The following NMNAT1 variants were observed in gnomAD, a reference collection of about 807,000 sequenced individuals.
NMNAT1 encodes the protein nicotinamide/nicotinic acid mononucleotide adenylyltransferase 1.
In NMNAT1, 11 loss-of-function variants were observed where a neutral mutation model predicts 16.7. That is an observed-to-expected ratio of 0.66 (90% confidence interval 0.41 to 1.09). The LOEUF is 1.09. Ranked by LOEUF, NMNAT1 falls within the 50% of genes least tolerant of loss-of-function variation. NMNAT1 has a pLI of 0.00. For synonymous variants in NMNAT1, 110 were observed against 119.8 expected, an observed-to-expected ratio of 0.92 and a Z score of 0.53; for missense variants, 280 against 332.3, an observed-to-expected ratio of 0.84 and a Z score of 1.22.
intron 3 of NMNAT1, among the ~76,000 whole-genome samples, chr1:9,979,699 G>A (rs532111976): frequency 7.9e-5 from 12 of 151,666 alleles, no homozygotes; most frequent in African/African-American, 2.7e-4. Context: ...CTACTCGGGA[G>A]GCTGAAGCAG....
At chr1:9,962,677 GTT>G (rs34747915) in intron 1 of NMNAT1, among the ~76,000 whole-genome samples, 88 of 74,230 alleles carry the variant, frequency 1.2e-3, no homozygotes, top group African/African-American at 4.7e-3. Flanking sequence ...CCAAATAAGG[GTT>G]TTTTTTTTTT....
intron 1 of NMNAT1, among the ~76,000 whole-genome samples, chr1:9,969,948 A>G (rs1641650732): frequency 6.6e-6 from 1 of 152,230 alleles, no homozygotes; most frequent in African/African-American, 2.4e-5. Flanking sequence ...AAATTTCAGA[A>G]CACTGCGGAC....
At chr1:9,970,549 TGTG>T (rs990061059) in intron 1 of NMNAT1, among the ~76,000 whole-genome samples, 1 of 151,854 alleles carries the variant, frequency 6.6e-6, no homozygotes, top group African/African-American at 2.4e-5. Flanking sequence ...ATTAGGCAGG[TGTG>T]GTGGCAGGCA....
chr1:9,968,080 G>GTTTGTTTTTT (rs371743293), intron 1 of NMNAT1, among the ~76,000 whole-genome samples: 1 of 117,774 alleles, frequency 8.5e-6, no homozygotes, highest in African/African-American at 2.9e-5. Flanking sequence ...TTTTTTTTTT[G>GTTTGTTTTTT]TTTTTTTTTG....
chr1:9,950,657 T>C (rs1057170755), intron 1 of NMNAT1: 3 of 152,248 alleles, frequency 2.0e-5, no homozygotes, highest in Admixed American at 2.0e-4. Flanking sequence ...CACTACAGGA[T>C]AAAGAATAGG....
chr1:9,974,390 AT>A (rs70998335), intron 2 of NMNAT1, among the ~76,000 whole-genome samples: 30 of 139,368 alleles, frequency 2.2e-4, no homozygotes, highest in Non-Finnish European at 1.8e-4. Context: ...CATCTGGCTA[AT>A]TTTTTTTTTT....
intron 1 of NMNAT1, among the ~76,000 whole-genome samples, chr1:9,954,166 T>C (rs1641192772): frequency 6.6e-6 from 1 of 152,066 alleles, no homozygotes; most frequent in African/African-American, 2.4e-5. Flanking sequence ...TTAGCTAAAA[T>C]ATTTCTTAAA....
chr1:9,949,558 C>T (rs1641059550), intron 1 of NMNAT1: 1 of 150,760 alleles, frequency 6.6e-6, no homozygotes, highest in Non-Finnish European at 1.5e-5. Context: ...TATAGGTACA[C>T]ACCAAGAGGC....
At chr1:9,981,253 T>C (rs770665000) in intron 4 of NMNAT1, 83 bp downstream of exon 4, 2 of 1,462,436 alleles carry the variant, frequency 1.4e-6, no homozygotes, top group East Asian at 2.5e-5. Flanking sequence ...TTTTTTTTTT[T>C]AGATGGAGTC....
intron 1 of NMNAT1, among the ~76,000 whole-genome samples, chr1:9,966,235 G>C (rs760376458): frequency 6.6e-6 from 1 of 151,904 alleles, no homozygotes; most frequent in Non-Finnish European, 1.5e-5. Flanking sequence ...GGAGGCAGAG[G>C]CTGCAGTGAG....
intron 1 of NMNAT1, among the ~76,000 whole-genome samples, chr1:9,966,261 T>C (rs879344005): frequency 1.3e-5 from 2 of 151,942 alleles, no homozygotes; most frequent in Non-Finnish European, 2.9e-5. Context: ...ATCGTGCCAC[T>C]GCACTCCACC....
At chr1:9,973,937 A>C (rs1047174889) in intron 2 of NMNAT1, among the ~76,000 whole-genome samples, 12 of 151,470 alleles carry the variant, frequency 7.9e-5, no homozygotes, top group Admixed American at 4.6e-4. Flanking sequence ...TCCTGGATTC[A>C]AGCGATTCTT....
downstream of NMNAT1, among the ~76,000 whole-genome samples, chr1:9,990,351 C>T (rs1197866185): frequency 2.0e-5 from 3 of 152,168 alleles, no homozygotes; most frequent in African/African-American, 7.2e-5. Flanking sequence ...GGAGGGTCAC[C>T]AGTAGCCAGG....
intron 2 of NMNAT1, among the ~76,000 whole-genome samples, chr1:9,973,889 G>A (rs553232700): frequency 1.3e-5 from 2 of 151,674 alleles, no homozygotes; most frequent in South Asian, 4.2e-4. Context: ...CCAGGCTGGA[G>A]TGCAGTGGCA....
chr1:9,991,267 C>A, the NMNAT1 span, among the ~76,000 whole-genome samples: 1 of 150,610 alleles, frequency 6.6e-6, no homozygotes, highest in Admixed American at 6.7e-5. Flanking sequence ...CTCACTGCAA[C>A]TTCTGCCTCC....
chr1:9,973,472 C>CA (rs1641734575), intron 2 of NMNAT1, among the ~76,000 whole-genome samples: 2 of 151,234 alleles, frequency 1.3e-5, no homozygotes, highest in Admixed American at 6.6e-5. Flanking sequence ...CTTTGGGAGG[C>CA]CAAGGCAGGC....
intron 2 of NMNAT1, among the ~76,000 whole-genome samples, chr1:9,973,826 T>A (rs1001219716): frequency 6.7e-6 from 1 of 149,786 alleles, no homozygotes; most frequent in Admixed American, 6.7e-5. Context: ...GAGTTTGAGA[T>A]CAGCCTGGCC....
chr1:9,954,172 T>G (rs559318727), intron 1 of NMNAT1, among the ~76,000 whole-genome samples: 1 of 152,110 alleles, frequency 6.6e-6, no homozygotes, highest in Non-Finnish European at 1.5e-5. Context: ...AAAATATTTC[T>G]TAAACTTCTC....
intron 2 of NMNAT1, 24 bp downstream of exon 2, chr1:9,972,212 C>T: frequency 7.4e-7 from 1 of 1,357,146 alleles, no homozygotes; most frequent in Non-Finnish European, 1.1e-6. Flanking sequence ...CCAAAAGTGG[C>T]TTAAGACTAG....
Sources: allele counts gnomAD v4.1 joint callset (sites outside exome capture counted in the v4.1 genomes callset), GRCh38; gene constraint gnomAD v4.1.1; transcripts MANE v1.5; gene names NCBI Gene and HGNC (gene_info 2026-07-23, HGNC 2026-07-21).